The following R3HDM2 variants were observed in gnomAD, a reference collection of about 807,000 sequenced individuals.
R3HDM2 encodes the protein R3H domain-containing protein 2.
Under a neutral mutation model 124.5 loss-of-function variants are expected in R3HDM2, and 38 were observed. That is an observed-to-expected ratio of 0.31 (90% CI 0.24 to 0.40). The LOEUF is 0.40. R3HDM2 is among the 10% of genes least tolerant of loss of function. R3HDM2 has a pLI of 1.00. For synonymous variants in R3HDM2, 391 were observed against 448.0 expected, an observed-to-expected ratio of 0.87 and a Z score of 1.61; for missense variants, 869 against 1,236.9, an observed-to-expected ratio of 0.70 and a Z score of 4.46.
chr12:57,316,194 G>A (rs1275910077), intron 2 of R3HDM2, among the ~76,000 whole-genome samples: 6 of 152,190 alleles, frequency 3.9e-5, no homozygotes, highest in Admixed American at 1.3e-4. Context: ...AAGCAGCAGA[G>A]GAAAGGGCAC....
At chr12:57,317,623 G>A (rs1382201831) in intron 2 of R3HDM2, among the ~76,000 whole-genome samples, 2 of 124,380 alleles carry the variant, frequency 1.6e-5, no homozygotes, top group African/African-American at 2.9e-5. Flanking sequence ...TCAGAATCCT[G>A]GGAGATAGTT....
In R3HDM2 at chr12:57,299,312, A is replaced by G. The variant is rs183037565; in HGVS notation, c.421+40T>C. ...AGGCTTCAGGATAAAAGTAAAGGGC[A>G]CTGCCCTAGAACAGATGAGAGATGG... On this transcript the variant is annotated intron_variant, in intron 6 of 23. Coordinates refer to ENST00000402412, the MANE Select transcript of R3HDM2 (RefSeq NM_001394031.1). The G allele has an allele frequency of 4.1e-4, 620 of 1,512,276 alleles. 10 individuals carry two copies. In the East Asian group the frequency reaches 0.011, roughly 27 times the overall value. 93.7% of individuals were successfully genotyped at this position (1,512,276 alleles called of 1,614,324 possible). A position where few individuals can be genotyped will look rare whatever the true frequency, so the allele number is the denominator to read the frequency against.
intron 2 of R3HDM2, among the ~76,000 whole-genome samples, chr12:57,351,064 T>C (rs2060627499): frequency 6.6e-6 from 1 of 152,150 alleles, no homozygotes; most frequent in East Asian, 1.9e-4. Flanking sequence ...TGGGTGCCAC[T>C]GTACTCTAGC....
chr12:57,270,583 C>A (rs1386863975), intron 14 of R3HDM2, among the ~76,000 whole-genome samples: 2 of 152,144 alleles, frequency 1.3e-5, no homozygotes, highest in Non-Finnish European at 2.9e-5. Flanking sequence ...GCATGTGCCA[C>A]CAAGCCCAGC....
At chr12:57,412,743 C>T (rs565635060) in intron 1 of R3HDM2, among the ~76,000 whole-genome samples, 75 of 151,986 alleles carry the variant, frequency 4.9e-4, no homozygotes, top group Admixed American at 7.2e-4. Context: ...CAGTGGCTCA[C>T]ATCTGTAATC....
intron 1 of R3HDM2, among the ~76,000 whole-genome samples, chr12:57,405,002 C>T (rs556466297): frequency 4.6e-5 from 7 of 151,974 alleles, no homozygotes; most frequent in Non-Finnish European, 1.0e-4. Context: ...TCAGAATTTT[C>T]ATCTTTTACA....
intron 14 of R3HDM2, among the ~76,000 whole-genome samples, chr12:57,276,702 A>G (rs948460657): frequency 6.6e-6 from 1 of 152,162 alleles, no homozygotes; most frequent in African/African-American, 2.4e-5. Flanking sequence ...CCTGACCTAC[A>G]TGGTGAAACC....
At chr12:57,343,037 AT>A (rs1417588801) in intron 2 of R3HDM2, among the ~76,000 whole-genome samples, 2 of 152,162 alleles carry the variant, frequency 1.3e-5, no homozygotes, top group Non-Finnish European at 2.9e-5. Flanking sequence ...ATGAAAAAGG[AT>A]GGTAATGGAG....
At chr12:57,349,951 G>C (rs1007164599) in intron 2 of R3HDM2, among the ~76,000 whole-genome samples, 9 of 151,718 alleles carry the variant, frequency 5.9e-5, no homozygotes, top group African/African-American at 1.9e-4. Flanking sequence ...AATGGCTCAC[G>C]CCTGTAATCC....
intron 10 of R3HDM2, among the ~76,000 whole-genome samples, chr12:57,294,047 T>C (rs759555727): frequency 1.3e-5 from 2 of 152,218 alleles, no homozygotes; most frequent in Non-Finnish European, 2.9e-5. Context: ...TAACATTTCT[T>C]AGCCTCAGTT....
At chr12:57,402,899 T>C (rs923740291) in intron 1 of R3HDM2, among the ~76,000 whole-genome samples, 3 of 152,160 alleles carry the variant, frequency 2.0e-5, no homozygotes, top group African/African-American at 7.2e-5. Context: ...AAAAGCTATA[T>C]TGCTAAGTGA....
rs1305791658 is a variant in R3HDM2, at chr12:57,295,438, G to A, written c.771C>T (p.Leu257=). 1 of 1,551,596 alleles carries A rather than the reference G, an allele frequency of 6.4e-7. No individual in the cohort carries two copies. The highest frequency in any genetic ancestry group is 2.0e-5 in the Admixed American group (1 of 50,998). Residue 257 remains leucine, a synonymous_variant, in exon 10 of 24, where the codon CTC becomes CTT. Transcript: ENST00000402412. The part of the protein sequence containing the change: ...KNTEFQQRFI[L]KRDDASMDRD... ...GGTCCATACTGGCATCATCTCTCTT[G>A]AGAATGAACCTCTGTTGAAATTCTG...
At chr12:57,336,097 A>G (rs960667362) in intron 2 of R3HDM2, among the ~76,000 whole-genome samples, 1 of 150,616 alleles carries the variant, frequency 6.6e-6, no homozygotes, top group Non-Finnish European at 1.5e-5. Flanking sequence ...TTTTTTTTTT[A>G]ATTTCATACC....
At chr12:57,361,472 G>A (rs1593918475) in intron 2 of R3HDM2, among the ~76,000 whole-genome samples, 1 of 151,836 alleles carries the variant, frequency 6.6e-6, no homozygotes, top group South Asian at 2.1e-4. Flanking sequence ...GATCATTTGA[G>A]GCTGGGAGTT....
intron 2 of R3HDM2, among the ~76,000 whole-genome samples, chr12:57,348,745 T>TGGTG (rs1555278603): frequency 2.9e-5 from 4 of 138,724 alleles, no homozygotes; most frequent in Non-Finnish European, 6.1e-5. Flanking sequence ...TAGCCAGGCA[T>TGGTG]GGTGGCACAC....
chr12:57,296,464 A>C lies in R3HDM2; in HGVS notation c.648T>G (p.Asn216Lys). 1 of 1,552,282 alleles carries C rather than the reference A, an allele frequency of 6.4e-7. No homozygotes were observed. Among genetic ancestry groups the C allele is most frequent in the South Asian group, 1.2e-5 (1 of 84,066 alleles). Residue 216 changes from asparagine (N) to lysine (K), a missense_variant, in exon 9 of 24, where the codon AAT (asparagine) becomes AAG (lysine). Transcript: ENST00000402412. The surrounding 1 kb of genome is among the most constrained non-coding windows in gnomAD (Gnocchi z 4.5). ...RVAAYFGMDH[N>K]VDQTGKAVII... ...TGACAGCTTTCCCAGTTTGATCAAC[A>C]TTGTGGTCCATCCCAAAATAGGCAG...
chr12:57,271,461 C>CAT (rs1284943509), intron 14 of R3HDM2, among the ~76,000 whole-genome samples: 4 of 151,930 alleles, frequency 2.6e-5, no homozygotes, highest in Non-Finnish European at 4.4e-5. Flanking sequence ...CACACACACA[C>CAT]GCACACACAA....
intron 2 of R3HDM2, among the ~76,000 whole-genome samples, chr12:57,370,645 G>T (rs991510303): frequency 1.3e-5 from 2 of 151,706 alleles, no homozygotes; most frequent in Admixed American, 6.6e-5. Flanking sequence ...CATCTCAAAA[G>T]AAAAATAAAA....
At chr12:57,298,541 T>C (rs1194848603) in intron 6 of R3HDM2, among the ~76,000 whole-genome samples, 1 of 152,188 alleles carries the variant, frequency 6.6e-6, no homozygotes, top group Non-Finnish European at 1.5e-5. Flanking sequence ...CCAAATATTA[T>C]TTTTTAATCC....
Sources: allele counts gnomAD v4.1 joint callset (sites outside exome capture counted in the v4.1 genomes callset), GRCh38; gene constraint gnomAD v4.1.1; non-coding constraint Gnocchi (gnomAD v3.1); transcripts MANE v1.5; gene names NCBI Gene and HGNC (gene_info 2026-07-23, HGNC 2026-07-21).